Variants in MROH1 observed in about 807,000 individuals in gnomAD.
MROH1 encodes the protein maestro heat-like repeat-containing protein family member 1.
Under a neutral mutation model 116.5 loss-of-function variants are expected in MROH1, and 117 were observed. The ratio of observed to expected loss-of-function variants is 1.00; its 90% CI spans 0.86 to 1.17. MROH1 has a LOEUF of 1.17. Among genes scored for constraint, MROH1 ranks in the 50% most tolerant of loss-of-function variants. The pLI, the probability that MROH1 is intolerant of heterozygous loss-of-function variation, is 0.00. For synonymous variants in MROH1, 921 were observed against 583.9 expected, an observed-to-expected ratio of 1.58 and a Z score of -8.32; for missense variants, 1,873 against 1,338.5, an observed-to-expected ratio of 1.40 and a Z score of -6.23.
intron 4 of MROH1, among the ~76,000 whole-genome samples, chr8:144,177,801 C>T (rs1418049523): frequency 6.6e-6 from 1 of 152,140 alleles, no homozygotes; most frequent in African/African-American, 2.4e-5. Flanking sequence ...CCTCCTCTGT[C>T]TTCCTCCTGC....
At chr8:144,166,545 C>T (rs1268359394) in intron 3 of MROH1, among the ~76,000 whole-genome samples, 1 of 152,156 alleles carries the variant, frequency 6.6e-6, no homozygotes, top group Non-Finnish European at 1.5e-5. Context: ...TCCCTGCTCC[C>T]TAGAGCTCTG....
At chr8:144,215,623 G>C (rs557151374) in intron 12 of MROH1, among the ~76,000 whole-genome samples, 1 of 152,308 alleles carries the variant, frequency 6.6e-6, no homozygotes, top group Admixed American at 6.5e-5. Flanking sequence ...TGTAATCCCA[G>C]CACTTTGGGA....
intron 31 of MROH1, 53 bp downstream of exon 31, chr8:144,247,732 A>G (rs1424077130): frequency 2.8e-6 from 2 of 714,062 alleles, no homozygotes; most frequent in Non-Finnish European, 5.1e-6. Flanking sequence ...GTCTGGGGCT[A>G]ACAGGGACTT....
chr8:144,206,211 G>A (rs867199443), intron 12 of MROH1, among the ~76,000 whole-genome samples: 2 of 152,048 alleles, frequency 1.3e-5, no homozygotes, highest in African/African-American at 2.4e-5. Context: ...CCGGCCCACC[G>A]TTATGACTTC....
At chr8:144,175,039 A>C in intron 4 of MROH1, 10 of 985,428 alleles carry the variant, frequency 1.0e-5, no homozygotes, top group Non-Finnish European at 1.2e-5. Flanking sequence ...CCTCATATAC[A>C]TGAAGAGAAT....
intron 18 of MROH1, 148 bp downstream of exon 18, chr8:144,239,903 C>T (rs1840678028): frequency 1.5e-6 from 1 of 677,360 alleles, no homozygotes; most frequent in African/African-American, 1.8e-5. Flanking sequence ...ATACAGTCTC[C>T]CCTGTTGTCC....
At chr8:144,220,526 C>A (rs1836484355) in intron 12 of MROH1, 74 bp from the exon 13 acceptor site, 1 of 1,378,584 alleles carries the variant, frequency 7.3e-7, no homozygotes, top group African/African-American at 1.4e-5. Flanking sequence ...GAAGCCAGGC[C>A]CCTGGTGATG....
chr8:144,239,068 C>G lies in MROH1; in HGVS notation c.1480C>G (p.Pro494Ala). The G allele has an allele frequency of 3.9e-6, 3 of 778,052 alleles. No individual in the cohort carries two copies. Among genetic ancestry groups the G allele is most frequent in the South Asian group, 1.3e-5 (1 of 74,590 alleles). 48.2% of individuals were successfully genotyped at this position (778,052 alleles called of 1,614,324 possible). ...GCCATACCTGCTCCAGTTCCTCACC[C>G]CTGTGCGCTTCACTGGGGCCCTGAC... ...LWPYLLQFLT[P>A]VRFTGALTPL... Residue 494 changes from proline (P) to alanine (A), a missense_variant, in exon 16 of 44, where the codon CCT (proline) becomes GCT (alanine). Transcript: ENST00000326134.
intron 3 of MROH1, among the ~76,000 whole-genome samples, chr8:144,165,149 TCTCA>T (rs933805503): frequency 1.4e-4 from 20 of 141,340 alleles, no homozygotes; most frequent in Non-Finnish European, 1.8e-4. Context: ...TGAGATGGAG[TCTCA>T]CTCTGTCGCA....
chr8:144,241,231 G>A lies in MROH1; in HGVS notation c.2055+120G>A, dbSNP rs983046063. On this transcript the variant is annotated intron_variant, in intron 21 of 43. Coordinates refer to ENST00000326134, the MANE Select transcript of MROH1 (RefSeq NM_032450.3). Reference sequence around the variant, plus strand: ...CTGTGTGTGCGTGTGTGCATACACAGGTGGTGTGCGTATATGCAGAGAGGG... The same window carrying A: ...CTGTGTGTGCGTGTGTGCATACACAAGTGGTGTGCGTATATGCAGAGAGGG... The A allele has an allele frequency of 0.02, 13,586 of 694,110 alleles. 1,350 individuals carry two copies. The African/African-American group carries it at 0.21, about 11-fold the overall frequency. The allele number at this position is 694,110 out of a possible 1,614,324, so 43.0% of individuals were successfully genotyped here.
intron 2 of MROH1, among the ~76,000 whole-genome samples, chr8:144,162,362 CAGA>C (rs1819751969): frequency 6.6e-6 from 1 of 151,660 alleles, no homozygotes. Context: ...GCTGGGATTA[CAGA>C]TATGAGCCAC....
At chr8:144,245,896 A>G (rs1261089673) in intron 29 of MROH1, among the ~76,000 whole-genome samples, 2 of 152,102 alleles carry the variant, frequency 1.3e-5, no homozygotes, top group Non-Finnish European at 2.9e-5. Flanking sequence ...CTTGGGCTCA[A>G]GTGATCCTCC....
chr8:144,194,815 G>A (rs1021338281), intron 10 of MROH1, among the ~76,000 whole-genome samples: 3 of 152,062 alleles, frequency 2.0e-5, no homozygotes, highest in Non-Finnish European at 4.4e-5. Context: ...GGCTGAGGTT[G>A]GAGGATCACT....
At chr8:144,240,218 T>C in intron 19 of MROH1, 65 bp downstream of exon 19, 1 of 691,780 alleles carries the variant, frequency 1.4e-6, no homozygotes, top group Non-Finnish European at 2.7e-6. Context: ...GGTGCTGGGG[T>C]GGCAGAGGCT....
chr8:144,212,580 CTTTTTTTTTTTTTTT>C (rs59225464), intron 12 of MROH1, among the ~76,000 whole-genome samples: 3 of 47,200 alleles, frequency 6.4e-5, no homozygotes, highest in Non-Finnish European at 7.1e-5. Context: ...TCTTCTGTTA[CTTTTTTTTTTTTTTT>C]TTTTTTTTTT....
intron 7 of MROH1, among the ~76,000 whole-genome samples, chr8:144,190,357 G>A (rs941995831): frequency 1.3e-5 from 2 of 152,278 alleles, no homozygotes; most frequent in East Asian, 1.9e-4. Context: ...GTGAAACCCT[G>A]TCTCTTCTAA....
chr8:144,180,883 G>T lies in MROH1; in HGVS notation c.562+360G>T, dbSNP rs1825450431. Among the ~76,000 whole-genome samples, 2 of 152,112 alleles carry T rather than the reference G, an allele frequency of 1.3e-5. No individual in the cohort carries two copies. Among genetic ancestry groups the T allele is most frequent in the Non-Finnish European group, 1.5e-5 (1 of 67,998 alleles). ...CTCTCTGGGCATCCCAGGACCCAGG[G>T]GATGGGGGCACATTCATTCACCCCC... On this transcript the variant is annotated intron_variant, in intron 7 of 43. Coordinates refer to ENST00000326134, the MANE Select transcript of MROH1 (RefSeq NM_032450.3). This position sits in a 1 kb window ranked among gnomAD's most constrained non-coding sequence, Gnocchi z 7.4.
chr8:144,209,860 G>A (rs117949516), intron 12 of MROH1, among the ~76,000 whole-genome samples: 3,602 of 150,332 alleles, frequency 0.024, 65 homozygotes, highest in Middle Eastern at 0.045. Flanking sequence ...GAGCTGTGAC[G>A]GTGCCACTGC....
At chr8:144,229,177 T>G (rs376996481) in intron 14 of MROH1, among the ~76,000 whole-genome samples, 3 of 152,186 alleles carry the variant, frequency 2.0e-5, no homozygotes, top group East Asian at 3.8e-4. Context: ...GTCTTGACCC[T>G]GTCAAAGTTA....
Sources: gnomAD v4.1 joint callset for allele counts (sites outside exome capture counted in the v4.1 genomes callset) on GRCh38, gnomAD v4.1.1 for gene constraint, Gnocchi (gnomAD v3.1) non-coding constraint, MANE v1.5 for transcripts, NCBI Gene and HGNC (gene_info 2026-07-23, HGNC 2026-07-21) for gene names.